The following GNAQ variants were observed in gnomAD, a reference collection of about 807,000 sequenced individuals.
GNAQ encodes the protein G protein subunit alpha q.
In GNAQ, 8 loss-of-function variants were observed where a neutral mutation model predicts 43.9. The ratio of observed to expected loss-of-function variants is 0.18; its 90% CI spans 0.11 to 0.33. The LOEUF is 0.33. GNAQ is among the 10% of genes least tolerant of loss of function. The pLI is 1.00. For missense variants in GNAQ, 158 were observed against 450.8 expected (o/e 0.35, Z 5.88); for synonymous variants, 155 against 170.7 (o/e 0.91, Z 0.71).
intron 1 of GNAQ, among the ~76,000 whole-genome samples, chr9:78,017,655 T>C (rs1823855626): frequency 6.6e-6 from 1 of 152,172 alleles, no homozygotes. Context: ...TAAAACAGAA[T>C]AGCAAAAGAT....
At chr9:77,739,892 G>T (rs1825628322) in intron 5 of GNAQ, among the ~76,000 whole-genome samples, 1 of 152,178 alleles carries the variant, frequency 6.6e-6, no homozygotes, top group Non-Finnish European at 1.5e-5. Context: ...CAGAAAGCAG[G>T]CTTAGATGAC....
At chr9:78,006,006 T>C (rs1587457383) in intron 1 of GNAQ, among the ~76,000 whole-genome samples, 4 of 152,184 alleles carry the variant, frequency 2.6e-5, no homozygotes, top group African/African-American at 9.7e-5. Context: ...ACAATAAACA[T>C]GAAATGTCTT....
rs112629668 is a variant in GNAQ at position 77,765,898 on chromosome 9, C to A, written c.735+28565G>T. Among the ~76,000 whole-genome samples the A allele has an allele frequency of 1.0e-3, 152 of 152,266 alleles. 1 individual carries two copies. The highest frequency in any genetic ancestry group is 3.4e-3 in the African/African-American group (142 of 41,534). On this transcript the variant is annotated intron_variant, in intron 5 of 6. Transcript: ENST00000286548. ...ACACATACAATGGAATATTATTCAA[C>A]CCTGAAAAGGAATGAAATCTTGACA...
intron 5 of GNAQ, among the ~76,000 whole-genome samples, chr9:77,732,057 T>C (rs1167130189): frequency 6.6e-6 from 1 of 152,030 alleles, no homozygotes; most frequent in Admixed American, 6.5e-5. Flanking sequence ...TCACAATGAC[T>C]CATAAGGTAG....
chr9:77,729,853 G>A (rs1311326628), intron 5 of GNAQ, among the ~76,000 whole-genome samples: 1 of 152,152 alleles, frequency 6.6e-6, no homozygotes, highest in Non-Finnish European at 1.5e-5. Flanking sequence ...AGCTGGCTTG[G>A]GGCTGGGCTC....
At chr9:77,796,470 T>G (rs568538072) in intron 4 of GNAQ, among the ~76,000 whole-genome samples, 1 of 152,348 alleles carries the variant, frequency 6.6e-6, no homozygotes, top group South Asian at 2.1e-4. Context: ...GTATTCTAAC[T>G]AAAAGTACAA....
intron 1 of GNAQ, among the ~76,000 whole-genome samples, chr9:77,930,528 T>G (rs1829133686): frequency 6.6e-6 from 1 of 152,168 alleles, no homozygotes. Flanking sequence ...AAGCTTTCCT[T>G]TAGTGATTTC....
At chr9:77,872,296 A>G (rs1468437281) in intron 2 of GNAQ, among the ~76,000 whole-genome samples, 1 of 152,208 alleles carries the variant, frequency 6.6e-6, no homozygotes, top group East Asian at 1.9e-4. Flanking sequence ...TCACTGTCAA[A>G]TTACCATTAA....
At chr9:77,958,255 T>C (rs1823066116) in intron 1 of GNAQ, among the ~76,000 whole-genome samples, 1 of 152,112 alleles carries the variant, frequency 6.6e-6, no homozygotes. Flanking sequence ...GACTGGAACT[T>C]AAAACTCTAC....
chr9:77,811,832 T>C (rs1826932886), intron 3 of GNAQ, among the ~76,000 whole-genome samples: 1 of 152,162 alleles, frequency 6.6e-6, no homozygotes, highest in African/African-American at 2.4e-5. Context: ...GGAGGAGACC[T>C]GAAATGTGGG....
intron 2 of GNAQ, among the ~76,000 whole-genome samples, chr9:77,903,120 C>T (rs1429613834): frequency 1.3e-5 from 2 of 152,068 alleles, no homozygotes; most frequent in African/African-American, 4.8e-5. Context: ...ATGAGCAACA[C>T]AGGTCGTTAG....
intron 1 of GNAQ, among the ~76,000 whole-genome samples, chr9:77,969,916 G>A (rs1823215304): frequency 6.6e-6 from 1 of 152,126 alleles, no homozygotes; most frequent in Non-Finnish European, 1.5e-5. Context: ...GCAACTTCAT[G>A]AGCCAAAGAT....
At chr9:77,764,276 C>A (rs909418941) in intron 5 of GNAQ, among the ~76,000 whole-genome samples, 2 of 152,076 alleles carry the variant, frequency 1.3e-5, no homozygotes, top group Non-Finnish European at 2.9e-5. Context: ...CACCAAATCA[C>A]AGATATTAAA....
At chr9:77,825,970 T>C (rs943988470) in intron 2 of GNAQ, among the ~76,000 whole-genome samples, 3 of 151,988 alleles carry the variant, frequency 2.0e-5, no homozygotes, top group African/African-American at 4.8e-5. Flanking sequence ...TATCTAAAAT[T>C]AAGAGCTTTA....
chr9:77,969,101 G>A (rs374829747), intron 1 of GNAQ, among the ~76,000 whole-genome samples: 2 of 152,212 alleles, frequency 1.3e-5, no homozygotes, highest in African/African-American at 4.8e-5. Flanking sequence ...CCGTTGGTCT[G>A]CATGCACCCC....
At chr9:77,865,380 G>A (rs1019415969) in intron 2 of GNAQ, among the ~76,000 whole-genome samples, 1 of 152,208 alleles carries the variant, frequency 6.6e-6, no homozygotes, top group Non-Finnish European at 1.5e-5. Context: ...CATGCAGTAA[G>A]AAAGCTATCT....
chr9:77,825,479 G>A (rs1158643197), intron 2 of GNAQ, among the ~76,000 whole-genome samples: 4 of 152,114 alleles, frequency 2.6e-5, no homozygotes, highest in African/African-American at 9.7e-5. Context: ...GACGGTAAAG[G>A]CAGCAGCACC....
intron 2 of GNAQ, among the ~76,000 whole-genome samples, chr9:77,915,427 C>T (rs574295309): frequency 2.0e-5 from 3 of 152,180 alleles, no homozygotes; most frequent in Non-Finnish European, 4.4e-5. Context: ...TAAATCTGGT[C>T]ACATTGTTTT....
At position 77,874,186 on chromosome 9, in the gene GNAQ, T is replaced by A. The variant is rs144985765; in HGVS notation, c.321+47975A>T. The stretch of plus-strand genomic sequence containing the variant: ...CTAAAGCCTTCTTGTCATTCCTTTT[T>A]CATAAGTACAGAACACAGGTAGTCT... On this transcript the variant is annotated intron_variant, in intron 2 of 6. Coordinates refer to ENST00000286548, the MANE Select transcript of GNAQ (RefSeq NM_002072.5). Among the ~76,000 whole-genome samples, 659 of 152,306 alleles carry A rather than the reference T, an allele frequency of 4.3e-3. 6 individuals carry two copies. The highest frequency in any genetic ancestry group is 0.015 in the African/African-American group (610 of 41,572).
Sources: gnomAD v4.1 joint callset for allele counts (sites outside exome capture counted in the v4.1 genomes callset) on GRCh38, gnomAD v4.1.1 for gene constraint, MANE v1.5 for transcripts, NCBI Gene and HGNC (gene_info 2026-07-23, HGNC 2026-07-21) for gene names.